The following UTS2 variants were observed in gnomAD, a reference collection of about 807,000 sequenced individuals.
UTS2 encodes urotensin 2, also known as urotensin-2.
In UTS2, 10 loss-of-function variants were observed where a neutral mutation model predicts 12.6. The ratio of observed to expected loss-of-function variants is 0.80; its 90% CI spans 0.49 to 1.35. The LOEUF is 1.35. Among genes scored for constraint, UTS2 ranks in the 40% most tolerant of loss-of-function variants. UTS2 has a pLI of 0.00. For synonymous variants in UTS2, 52 were observed against 50.0 expected (o/e 1.04, Z -0.17); for missense variants, 142 against 143.2 (o/e 0.99, Z 0.04).
chr1:7,885,292 A>G, the UTS2 span, among the ~76,000 whole-genome samples: 7 of 152,194 alleles, frequency 4.6e-5, no homozygotes, highest in Non-Finnish European at 8.8e-5. Context: ...TGTCCTTGGT[A>G]GTCAACATGT....
At chr1:7,869,371 G>C in the UTS2 span, among the ~76,000 whole-genome samples, 1 of 152,214 alleles carries the variant, frequency 6.6e-6, no homozygotes, top group Non-Finnish European at 1.5e-5. Context: ...CCCAAGAGAA[G>C]CAATTGTGTG....
chr1:7,903,674 G>GC, the UTS2 span, among the ~76,000 whole-genome samples: 152,253 of 152,254 alleles, frequency 1, 76,126 homozygotes, highest in Non-Finnish European at 1. Flanking sequence ...ACAGGCATGA[G>GC]CACCACGTCC....
the UTS2 span, among the ~76,000 whole-genome samples, chr1:7,883,832 G>A: frequency 6.6e-6 from 1 of 150,452 alleles, no homozygotes; most frequent in Non-Finnish European, 1.5e-5. Context: ...ACATTTTTTA[G>A]CAATAAAATA....
the UTS2 span, among the ~76,000 whole-genome samples, chr1:7,869,333 C>T: frequency 6.6e-6 from 1 of 152,184 alleles, no homozygotes. Flanking sequence ...CAGCCCCCGG[C>T]GGCTGGGGTA....
upstream of UTS2, among the ~76,000 whole-genome samples, chr1:7,857,107 T>TGAAGGAAGGAAGGAAGAAGGAAG (rs1638328729): frequency 8.0e-6 from 1 of 125,284 alleles, no homozygotes; most frequent in Non-Finnish European, 1.6e-5. Flanking sequence ...AGAAAAGGAA[T>TGAAGGAAGGAAGGAAGAAGGAAG]GAAGGAAGGA....
At chr1:7,909,983 TG>T in the UTS2 span, among the ~76,000 whole-genome samples, 1 of 152,190 alleles carries the variant, frequency 6.6e-6, no homozygotes, top group Non-Finnish European at 1.5e-5. Context: ...CATATGTATG[TG>T]TTAACCTTAC....
chr1:7,856,615 C>T (rs913102094), upstream of UTS2, among the ~76,000 whole-genome samples: 4 of 152,274 alleles, frequency 2.6e-5, no homozygotes, highest in Admixed American at 2.6e-4. Context: ...GAGCCCAGGG[C>T]GAGTGCTCGC....
At chr1:7,895,111 G>A in the UTS2 span, among the ~76,000 whole-genome samples, 1 of 152,170 alleles carries the variant, frequency 6.6e-6, no homozygotes, top group Non-Finnish European at 1.5e-5. Context: ...GCTCACACCT[G>A]TGATCCCAGA....
the UTS2 span, among the ~76,000 whole-genome samples, chr1:7,877,383 TCAA>T: frequency 1.3e-5 from 2 of 151,936 alleles, no homozygotes; most frequent in Admixed American, 6.6e-5. Flanking sequence ...AATGCGAAAT[TCAA>T]CAACAACAAA....
At chr1:7,871,456 T>C in the UTS2 span, among the ~76,000 whole-genome samples, 8 of 152,316 alleles carry the variant, frequency 5.3e-5, no homozygotes, top group Non-Finnish European at 5.9e-5. Context: ...CACCCCACAA[T>C]GTGCTGTGAA....
At chr1:7,904,902 T>TAA in the UTS2 span, among the ~76,000 whole-genome samples, 10 of 15,554 alleles carry the variant, frequency 6.4e-4, no homozygotes, top group Admixed American at 5.1e-3. Context: ...AGACTCTGTC[T>TAA]CAAAAAAAAA....
chr1:7,907,821 A>G, the UTS2 span, among the ~76,000 whole-genome samples: 1 of 152,128 alleles, frequency 6.6e-6, no homozygotes, highest in South Asian at 2.1e-4. Flanking sequence ...CCGGAATACT[A>G]AGTTTTCGAA....
At position 7,847,910 on chromosome 1, in the gene UTS2, AC is replaced by A. The variant is rs200751746; in HGVS notation, c.259-29del. On this transcript the variant is annotated intron_variant, in intron 3 of 3. Transcript: ENST00000361696. Reference sequence around the variant, plus strand: ...AAAACAATCCAAACGAACAACAACAACAAAAAAAAACAGATAAGTTACCAAC... The same window carrying A: ...AAAACAATCCAAACGAACAACAACAAAAAAAAAAACAGATAAGTTACCAAC... The A allele has an allele frequency of 5.7e-3, 7,868 of 1,370,806 alleles. 4 individuals carry two copies. Among genetic ancestry groups the A allele is most frequent in the East Asian group, 0.018 (680 of 36,854 alleles). 84.9% of individuals were successfully genotyped at this position (1,370,806 alleles called of 1,614,324 possible).
At chr1:7,900,802 T>C in the UTS2 span, among the ~76,000 whole-genome samples, 184 of 152,108 alleles carry the variant, frequency 1.2e-3, no homozygotes, top group South Asian at 4.6e-3. Context: ...AATTGTTTCA[T>C]GTTTTTGCCT....
At chr1:7,853,541 A>T, upstream of UTS2, 1 of 1,440,234 alleles carries the variant, frequency 6.9e-7, no homozygotes, top group South Asian at 1.4e-5. Context: ...TATTTCCTTT[A>T]AAACAGTGAA....
the UTS2 span, among the ~76,000 whole-genome samples, chr1:7,897,657 G>A: frequency 1.3e-5 from 2 of 152,024 alleles, no homozygotes; most frequent in Non-Finnish European, 2.9e-5. Flanking sequence ...TGCGATCTTG[G>A]CTCACCACAA....
chr1:7,860,164 C>T, the UTS2 span, among the ~76,000 whole-genome samples: 3 of 152,256 alleles, frequency 2.0e-5, no homozygotes, highest in African/African-American at 4.8e-5. Context: ...CAAGCCTCAC[C>T]GAGTTTATGT....
the UTS2 span, among the ~76,000 whole-genome samples, chr1:7,858,874 C>T: frequency 4.6e-5 from 7 of 152,240 alleles, no homozygotes; most frequent in Admixed American, 2.0e-4. Context: ...TGAGCCACCA[C>T]GCCCAGCTGG....
the UTS2 span, among the ~76,000 whole-genome samples, chr1:7,890,964 T>TC: frequency 1.4e-4 from 12 of 82,908 alleles, 1 homozygote; most frequent in African/African-American, 3.2e-4. Flanking sequence ...TGTGATACCC[T>TC]CCACCCCCCC....
Sources: gnomAD v4.1 joint callset for allele counts (sites outside exome capture counted in the v4.1 genomes callset) on GRCh38, gnomAD v4.1.1 for gene constraint, MANE v1.5 for transcripts, NCBI Gene and HGNC (gene_info 2026-07-23, HGNC 2026-07-21) for gene names.